Variants in LHPP observed in about 807,000 individuals in gnomAD.
LHPP encodes the protein phospholysine phosphohistidine inorganic pyrophosphate phosphatase, also known as hLHPP.
In LHPP, 24 loss-of-function variants were observed where a neutral mutation model predicts 30.3. The observed-to-expected ratio is 0.79, with a 90% CI of 0.57 to 1.11. The LOEUF is 1.11. Ranked by LOEUF, LHPP falls within the 50% of genes most tolerant of loss-of-function variation. The pLI is 0.00. For synonymous variants in LHPP, 150 were observed against 157.1 expected (o/e 0.95, Z 0.34); for missense variants, 356 against 367.2 (o/e 0.97, Z 0.25).
In LHPP at chr10:124,461,882, G is replaced by A. The variant is rs773426948; in HGVS notation, c.20G>A (p.Arg7Gln). Residue 7 changes from arginine to glutamine, a missense_variant, in exon 1 of 7, where the codon CGG becomes CAG. Physicochemically the swap from Arg to Gln is conservative, Grantham distance 43. Coordinates refer to ENST00000368842, the MANE Select transcript of LHPP (RefSeq NM_022126.4). MAPWGK[R>Q]LAGVRGVLLD... is the part of the protein sequence containing the mutation. Reference sequence around the variant, plus strand: ...GGCGCCATGGCACCGTGGGGCAAGCGGCTGGCTGGCGTGCGCGGGGTGCTG... The same window carrying A: ...GGCGCCATGGCACCGTGGGGCAAGCAGCTGGCTGGCGTGCGCGGGGTGCTG... 5 of 1,257,412 alleles carry A rather than the reference G, an allele frequency of 4.0e-6. No individual in the cohort carries two copies. The East Asian group carries it at 9.0e-5, about 23-fold the overall frequency. The allele number at this position is 1,257,412 out of a possible 1,614,324, so 77.9% of individuals were successfully genotyped here.
intron 6 of LHPP, among the ~76,000 whole-genome samples, chr10:124,604,462 A>G (rs1274318420): frequency 2.0e-5 from 3 of 152,218 alleles, no homozygotes; most frequent in Non-Finnish European, 4.4e-5. Context: ...GTACCGGTGC[A>G]GACCATCTGA....
chr10:124,574,118 CAT>C (rs1355029082), intron 6 of LHPP, among the ~76,000 whole-genome samples: 3 of 152,280 alleles, frequency 2.0e-5, no homozygotes, highest in South Asian at 2.1e-4. Flanking sequence ...CCATAGACCA[CAT>C]GTGTCATCTG....
intron 6 of LHPP, among the ~76,000 whole-genome samples, chr10:124,566,369 C>T (rs1341379231): frequency 6.6e-6 from 1 of 152,186 alleles, no homozygotes; most frequent in African/African-American, 2.4e-5. Context: ...AGGGAGACTG[C>T]AGGTGCCAGC....
At chr10:124,610,303 A>AGCAGTT (rs1564852612) in intron 6 of LHPP, among the ~76,000 whole-genome samples, 1 of 77,018 alleles carries the variant, frequency 1.3e-5, no homozygotes, top group African/African-American at 4.8e-5. Flanking sequence ...TTGCTAATGG[A>AGCAGTT]GCGGGTGCGG....
intron 1 of LHPP, among the ~76,000 whole-genome samples, chr10:124,466,293 A>T (rs1235571961): frequency 6.6e-6 from 1 of 152,210 alleles, no homozygotes; most frequent in Non-Finnish European, 1.5e-5. Flanking sequence ...AAATGCAGAA[A>T]TGCAAGAATG....
chr10:124,597,873 A>G (rs1948970013), intron 6 of LHPP, among the ~76,000 whole-genome samples: 1 of 152,222 alleles, frequency 6.6e-6, no homozygotes, highest in Non-Finnish European at 1.5e-5. Flanking sequence ...ACGTGTTTTT[A>G]TCAAAATATC....
intron 6 of LHPP, among the ~76,000 whole-genome samples, chr10:124,603,898 G>T (rs914926329): frequency 1.3e-5 from 2 of 152,234 alleles, no homozygotes; most frequent in African/African-American, 4.8e-5. Flanking sequence ...AGAACAGGTA[G>T]CTGAGGCTGG....
At chr10:124,538,526 C>A (rs138673142) in intron 6 of LHPP, among the ~76,000 whole-genome samples, 1 of 152,342 alleles carries the variant, frequency 6.6e-6, no homozygotes, top group Non-Finnish European at 1.5e-5. Context: ...ACAGGCCTCC[C>A]TCCCCCCAAG....
chr10:124,498,612 C>A, intron 5 of LHPP: 2 of 749,942 alleles, frequency 2.7e-6, no homozygotes, highest in Non-Finnish European at 4.3e-6. Flanking sequence ...CCTACCCCAA[C>A]CCTAAGTGAG....
intron 1 of LHPP, among the ~76,000 whole-genome samples, chr10:124,473,910 T>A (rs1952865656): frequency 6.6e-6 from 1 of 152,106 alleles, no homozygotes; most frequent in East Asian, 1.9e-4. Flanking sequence ...ATTGCACCAC[T>A]GCACTCCAGC....
chr10:124,485,891 G>T (rs911526264), intron 2 of LHPP, among the ~76,000 whole-genome samples: 1 of 152,140 alleles, frequency 6.6e-6, no homozygotes, highest in African/African-American at 2.4e-5. Flanking sequence ...GTGAGCCACC[G>T]CCTCCGGTCT....
chr10:124,540,903 C>A (rs1460599901), intron 6 of LHPP, among the ~76,000 whole-genome samples: 1 of 152,060 alleles, frequency 6.6e-6, no homozygotes. Context: ...ACACACGATG[C>A]CTTTAGGGGC....
At chr10:124,557,014 G>T (rs534451820) in intron 6 of LHPP, among the ~76,000 whole-genome samples, 2 of 152,118 alleles carry the variant, frequency 1.3e-5, no homozygotes, top group Non-Finnish European at 2.9e-5. Context: ...AATTTCAGGC[G>T]CACGAGACAG....
rs145804570 is a variant in LHPP, at chr10:124,527,367, G to A, written c.716+10096G>A. On this transcript the variant is annotated intron_variant, in intron 6 of 6. Transcript: ENST00000368842. The stretch of plus-strand genomic sequence containing the variant: ...CCTGTCCTTGCAGGCACAGCTGGAC[G>A]CAGTTCTTATTTTCAACCATCTTGC... Among the ~76,000 whole-genome samples, 575 of 152,344 alleles carry A rather than the reference G, an allele frequency of 3.8e-3. 2 individuals are homozygous for A. The highest frequency in any genetic ancestry group is 0.013 in the African/African-American group (561 of 41,590).
chr10:124,584,455 G>A (rs1295771723), intron 6 of LHPP, among the ~76,000 whole-genome samples: 1 of 152,098 alleles, frequency 6.6e-6, no homozygotes, highest in East Asian at 1.9e-4. Context: ...GTAGGTTGGT[G>A]TCTGGTGAGT....
In LHPP at chr10:124,590,524, C is replaced by G. The variant is rs1948869928; in HGVS notation, c.717-22740C>G. On this transcript the variant is annotated intron_variant, in intron 6 of 6. Transcript: ENST00000368842. This position sits in a 1 kb window ranked among gnomAD's most constrained non-coding sequence, Gnocchi z 4.3. Reference sequence around the variant, plus strand: ...TAGGGGACTTGGCTCTCCTGCCAAGCCCCCACCCAGCACCTGTCCCTTGTG... The same window carrying G: ...TAGGGGACTTGGCTCTCCTGCCAAGGCCCCACCCAGCACCTGTCCCTTGTG... 6.6e-6 allele frequency among the ~76,000 whole-genome samples: 1 copy of G among 152,112 alleles called. No individual in the cohort carries two copies. The highest frequency in any genetic ancestry group is 1.5e-5 in the Non-Finnish European group (1 of 68,014).
intron 6 of LHPP, among the ~76,000 whole-genome samples, chr10:124,575,178 G>T (rs1363546287): frequency 6.6e-6 from 1 of 152,114 alleles, no homozygotes; most frequent in Non-Finnish European, 1.5e-5. Flanking sequence ...GGAGAATCCT[G>T]GTGGACACAG....
At chr10:124,472,563 T>C (rs957628626) in intron 1 of LHPP, among the ~76,000 whole-genome samples, 21 of 150,886 alleles carry the variant, frequency 1.4e-4, no homozygotes, top group Non-Finnish European at 3.0e-4. Flanking sequence ...AAACTTACTT[T>C]TTTTTTTTTT....
intron 6 of LHPP, among the ~76,000 whole-genome samples, chr10:124,577,328 C>T (rs1248774056): frequency 2.0e-5 from 3 of 152,216 alleles, no homozygotes; most frequent in Non-Finnish European, 2.9e-5. Flanking sequence ...ACCTCCCACC[C>T]CTGGCCCACC....
Sources: allele counts gnomAD v4.1 joint callset (sites outside exome capture counted in the v4.1 genomes callset), GRCh38; gene constraint gnomAD v4.1.1; non-coding constraint Gnocchi (gnomAD v3.1); transcripts MANE v1.5; gene names NCBI Gene and HGNC (gene_info 2026-07-23, HGNC 2026-07-21).